The following CALN1 variants were observed in gnomAD, a reference collection of about 807,000 sequenced individuals.
The protein encoded by CALN1 is calneuron 1.
Under a neutral mutation model 30.6 loss-of-function variants are expected in CALN1, and 17 were observed. That is an observed-to-expected ratio of 0.56 (90% CI 0.38 to 0.83). The LOEUF is 0.83. CALN1 is among the 40% of genes least tolerant of loss of function. The pLI, the probability that CALN1 is intolerant of heterozygous loss-of-function variation, is 0.00. For missense variants in CALN1, 291 were observed against 354.9 expected (o/e 0.82, Z 1.45); for synonymous variants, 156 against 131.4 (o/e 1.19, Z -1.28).
intron 2 of CALN1, among the ~76,000 whole-genome samples, chr7:72,344,875 AATAT>A (rs1438426512): frequency 1.4e-5 from 2 of 147,652 alleles, no homozygotes; most frequent in Non-Finnish European, 1.5e-5. Context: ...ATAACACATA[AATAT>A]ATAAATAGCA....
chr7:71,834,217 C>CAA (rs11313802), intron 5 of CALN1, among the ~76,000 whole-genome samples: 865 of 48,258 alleles, frequency 0.018, 59 homozygotes, highest in African/African-American at 0.071. Flanking sequence ...GACTCCATCT[C>CAA]AAAAAAAAAA....
intron 5 of CALN1, among the ~76,000 whole-genome samples, chr7:71,867,019 C>G (rs1447494891): frequency 6.6e-6 from 1 of 151,956 alleles, no homozygotes; most frequent in Admixed American, 6.6e-5. Flanking sequence ...GTGGTGCATG[C>G]CTGTAATCCC....
chr7:72,360,754 G>T (rs925221707), intron 2 of CALN1, among the ~76,000 whole-genome samples: 1 of 151,174 alleles, frequency 6.6e-6, no homozygotes, highest in African/African-American at 2.4e-5. Flanking sequence ...TTGAGACAGA[G>T]TCTCCCCTCT....
chr7:72,411,827 T>G (rs559737159), intron 1 of CALN1, among the ~76,000 whole-genome samples: 2 of 152,314 alleles, frequency 1.3e-5, no homozygotes, highest in South Asian at 4.1e-4. Flanking sequence ...ACCAAACAAT[T>G]GTCCTGCTTT....
At chr7:72,086,789 A>G (rs187843112) in intron 4 of CALN1, among the ~76,000 whole-genome samples, 176 of 152,342 alleles carry the variant, frequency 1.2e-3, no homozygotes, top group African/African-American at 3.1e-3. Context: ...AAATAAAAAA[A>G]TAGTCAAACT....
chr7:72,376,790 G>C (rs1327647462), intron 2 of CALN1, among the ~76,000 whole-genome samples: 1 of 152,152 alleles, frequency 6.6e-6, no homozygotes, highest in South Asian at 2.1e-4. Flanking sequence ...CCTAACCCAA[G>C]TCATGAGATT....
chr7:72,053,794 A>G (rs766933894), intron 4 of CALN1, among the ~76,000 whole-genome samples: 1 of 88,338 alleles, frequency 1.1e-5, no homozygotes, highest in Non-Finnish European at 2.3e-5. Context: ...CCCCCCTCCC[A>G]CCCTTCCCCC....
the CALN1 span, among the ~76,000 whole-genome samples, chr7:72,484,442 C>G: frequency 5.3e-5 from 8 of 152,286 alleles, no homozygotes; most frequent in South Asian, 1.7e-3. Context: ...GTTTTCTATT[C>G]TGGCTGGTGG....
chr7:72,410,738 G>C (rs572465902), intron 1 of CALN1, among the ~76,000 whole-genome samples: 5 of 151,994 alleles, frequency 3.3e-5, no homozygotes, highest in African/African-American at 1.2e-4. Context: ...AGTAAAATAG[G>C]GAACTATATA....
At chr7:72,240,248 G>A (rs750688547) in intron 3 of CALN1, among the ~76,000 whole-genome samples, 6 of 151,116 alleles carry the variant, frequency 4.0e-5, no homozygotes, top group Non-Finnish European at 5.9e-5. Flanking sequence ...AAGCTGGAGC[G>A]CAGTAGAGTG....
chr7:71,982,347 C>G (rs1326739538), intron 5 of CALN1, among the ~76,000 whole-genome samples: 1 of 152,228 alleles, frequency 6.6e-6, no homozygotes, highest in African/African-American at 2.4e-5. Context: ...GTAATCCCAG[C>G]AATTTGGGAG....
At position 71,835,279 on chromosome 7, in the gene CALN1, T is replaced by C. The variant is rs182304301; in HGVS notation, c.502-24787A>G. Among the ~76,000 whole-genome samples the C allele has an allele frequency of 1.1e-3, 173 of 152,350 alleles. 1 individual carries two copies. The highest frequency in any genetic ancestry group is 3.9e-3 in the African/African-American group (164 of 41,582). On this transcript the variant is annotated intron_variant, in intron 5 of 6. Coordinates refer to ENST00000395275, the MANE Select transcript of CALN1 (RefSeq NM_031468.4). ...CCAGATCACTAATATGGCACTTGGA[T>C]AAGTCACACTTCCTTCTGTTTGTCT...
At chr7:72,134,217 A>C (rs1276841081) in intron 3 of CALN1, among the ~76,000 whole-genome samples, 1 of 152,226 alleles carries the variant, frequency 6.6e-6, no homozygotes, top group Non-Finnish European at 1.5e-5. Context: ...CCCTTGCCAG[A>C]CACCATTCCT....
chr7:71,901,426 CAAAAA>C (rs35289312), intron 5 of CALN1, among the ~76,000 whole-genome samples: 1 of 132,684 alleles, frequency 7.5e-6, no homozygotes, highest in African/African-American at 2.7e-5. Flanking sequence ...CATATGGAAC[CAAAAA>C]AAAAAAAAAA....
At chr7:72,044,828 C>A (rs1230136194) in intron 4 of CALN1, among the ~76,000 whole-genome samples, 1 of 151,938 alleles carries the variant, frequency 6.6e-6, no homozygotes, top group Non-Finnish European at 1.5e-5. Flanking sequence ...CTATGTTCCC[C>A]AGGCCGATCT....
intron 5 of CALN1, among the ~76,000 whole-genome samples, chr7:71,867,468 C>G (rs1791654527): frequency 6.6e-6 from 1 of 151,968 alleles, no homozygotes; most frequent in Non-Finnish European, 1.5e-5. Context: ...TAGAGTCTAG[C>G]TCTGTCTCCA....
At chr7:72,194,452 C>T (rs904376827) in intron 3 of CALN1, among the ~76,000 whole-genome samples, 1 of 152,062 alleles carries the variant, frequency 6.6e-6, no homozygotes, top group South Asian at 2.1e-4. Context: ...ATCACTTTAG[C>T]CTGGGAGAGG....
At chr7:72,174,799 T>C (rs1331951482) in intron 3 of CALN1, among the ~76,000 whole-genome samples, 3 of 152,230 alleles carry the variant, frequency 2.0e-5, no homozygotes, top group African/African-American at 7.2e-5. Context: ...TTTTGGGGTG[T>C]GATGGAAATC....
intron 3 of CALN1, among the ~76,000 whole-genome samples, chr7:72,206,127 G>A (rs1039288615): frequency 1.3e-5 from 2 of 152,258 alleles, no homozygotes; most frequent in Admixed American, 6.5e-5. Context: ...TTTGAATAAC[G>A]TAATGGGCTC....
Sources: gnomAD v4.1 joint callset for allele counts (sites outside exome capture counted in the v4.1 genomes callset) on GRCh38, gnomAD v4.1.1 for gene constraint, MANE v1.5 for transcripts, NCBI Gene and HGNC (gene_info 2026-07-23, HGNC 2026-07-21) for gene names.